The following SNX2 variants were observed in gnomAD, a reference collection of about 807,000 sequenced individuals.
The protein encoded by SNX2 is sorting nexin-2.
In SNX2, 25 loss-of-function variants were observed where a neutral mutation model predicts 69.9. The observed-to-expected ratio is 0.36, with a 90% CI of 0.26 to 0.50. SNX2 has a LOEUF of 0.50. Among genes scored for constraint, SNX2 ranks in the 20% least tolerant of loss-of-function variants. The pLI is 0.97. For synonymous variants in SNX2, 229 were observed against 200.4 expected (o/e 1.14, Z -1.20); for missense variants, 551 against 613.3 (o/e 0.90, Z 1.07).
At chr5:122,817,456 C>G in intron 10 of SNX2, 83 bp downstream of exon 10, 1 of 849,990 alleles carries the variant, frequency 1.2e-6, no homozygotes, top group Non-Finnish European at 1.8e-6. Flanking sequence ...AATAAATATT[C>G]TGAAGTTATT....
At position 122,827,561 on chromosome 5, in the gene SNX2, A is replaced by G. The variant is rs1754179112; in HGVS notation, c.1438-14A>G. 6.2e-7 allele frequency: 1 copy of G among 1,611,666 alleles called. No individual in the cohort carries two copies. The highest frequency in any genetic ancestry group is 8.5e-7 in the Non-Finnish European group (1 of 1,178,274). ...GCTTTCTACTAACGGACTTTTTAAA[A>G]TGTACTTCAACAGAAAGAACGAGTG... On this transcript the variant is annotated splice_polypyrimidine_tract_variant and intron_variant, in intron 13 of 14. Transcript: ENST00000379516.
At chr5:122,780,723 C>G (rs1752962704) in intron 1 of SNX2, among the ~76,000 whole-genome samples, 2 of 151,956 alleles carry the variant, frequency 1.3e-5, no homozygotes, top group Non-Finnish European at 2.9e-5. Context: ...GTGCACGCCA[C>G]CATGCCCGGC....
intron 2 of SNX2, among the ~76,000 whole-genome samples, chr5:122,798,273 G>A (rs555056579): frequency 1.3e-5 from 2 of 151,816 alleles, no homozygotes; most frequent in East Asian, 1.9e-4. Context: ...ATTTTGTTAC[G>A]GTAGGCTTAT....
chr5:122,799,991 T>G, intron 3 of SNX2, 136 bp downstream of exon 3: 1 of 627,230 alleles, frequency 1.6e-6, no homozygotes, highest in South Asian at 2.5e-5. Flanking sequence ...AAATTAGTTA[T>G]GGGATCTGGC....
chr5:122,796,835 G>GT (rs796711888), intron 2 of SNX2, among the ~76,000 whole-genome samples: 44 of 149,560 alleles, frequency 2.9e-4, no homozygotes, highest in Middle Eastern at 3.4e-3. Flanking sequence ...TACATGCAAG[G>GT]TTTTTTTTTT....
At chr5:122,790,979 A>G (rs1307311269) in intron 1 of SNX2, among the ~76,000 whole-genome samples, 2 of 152,222 alleles carry the variant, frequency 1.3e-5, no homozygotes, top group South Asian at 2.1e-4. Context: ...ACCATTAAGT[A>G]TGATGTTAGT....
At position 122,795,312 on chromosome 5, in the gene SNX2, T is replaced by C. The variant is rs751621812; in HGVS notation, c.155T>C (p.Ile52Thr). 26 of 1,613,866 alleles carry C rather than the reference T, an allele frequency of 1.6e-5. No homozygotes were observed. Among genetic ancestry groups the C allele is most frequent in the East Asian group, 6.7e-5 (3 of 44,860 alleles). ...CCAGCTAGTCTTCCTGCAGAAGATA[T>C]TAGTGCAAACTCCAATGGCCCAAAA... ...PEPASLPAED[I>T]SANSNGPKPT... is the part of the protein sequence containing the mutation. The change falls in exon 2 of 15, where the codon ATT becomes ACT. Residue 52 changes from isoleucine to threonine, a missense_variant. Transcript: ENST00000379516.
intron 6 of SNX2, among the ~76,000 whole-genome samples, chr5:122,806,142 G>GCGCGCGCGCACACACACACACACACA: frequency 6.1e-5 from 8 of 130,584 alleles, no homozygotes; most frequent in African/African-American, 2.3e-4. Flanking sequence ...ACACGCGCGC[G>GCGCGCGCGCACACACACACACACACA]CACACACACA....
rs538131273 is a variant in SNX2, at chr5:122,788,635, A to G, written c.109-6631A>G. ...AGTTGCACTAACACTTTGCTCTTCA[A>G]TAGCAATAACAACCCATTATTCTCT... On this transcript the variant is annotated intron_variant, in intron 1 of 14. Coordinates refer to ENST00000379516, the MANE Select transcript of SNX2 (RefSeq NM_003100.4). 3.3e-5 allele frequency among the ~76,000 whole-genome samples: 5 copies of G among 152,340 alleles called. No homozygotes were observed. The South Asian group carries it at 1.0e-3, about 32-fold the overall frequency.
At chr5:122,775,077 C>T (rs1427137759), upstream of SNX2, 1 of 1,563,516 alleles carries the variant, frequency 6.4e-7, no homozygotes, top group Non-Finnish European at 8.7e-7. Flanking sequence ...CGAGGCCCAG[C>T]TCGCGCAGTC....
At chr5:122,776,931 T>C (rs1191556086) in intron 1 of SNX2, among the ~76,000 whole-genome samples, 1 of 152,256 alleles carries the variant, frequency 6.6e-6, no homozygotes, top group Non-Finnish European at 1.5e-5. Flanking sequence ...CTGTAAAAGT[T>C]GTAAACACAT....
At chr5:122,783,098 A>G (rs988863815) in intron 1 of SNX2, among the ~76,000 whole-genome samples, 8 of 123,600 alleles carry the variant, frequency 6.5e-5, no homozygotes, top group Non-Finnish European at 9.8e-5. Context: ...CACCATGCCC[A>G]GCTAATTTTT....
intron 1 of SNX2, among the ~76,000 whole-genome samples, chr5:122,790,756 A>T (rs1561447024): frequency 6.6e-6 from 1 of 152,200 alleles, no homozygotes. Context: ...GTGGTAAGAG[A>T]GAAGTAGGAC....
intron 1 of SNX2, among the ~76,000 whole-genome samples, chr5:122,777,817 G>A (rs1319173568): frequency 2.0e-5 from 3 of 152,180 alleles, no homozygotes; most frequent in South Asian, 2.1e-4. Flanking sequence ...TACCTCAAAC[G>A]TTTATCAGTT....
intron 1 of SNX2, among the ~76,000 whole-genome samples, chr5:122,781,034 C>T (rs1163482721): frequency 6.6e-6 from 1 of 152,132 alleles, no homozygotes; most frequent in Non-Finnish European, 1.5e-5. Flanking sequence ...TATGAAGAAG[C>T]GTGATTCAAG....
intron 1 of SNX2, among the ~76,000 whole-genome samples, chr5:122,786,034 G>A (rs1753078490): frequency 6.6e-6 from 1 of 152,040 alleles, no homozygotes; most frequent in Admixed American, 6.6e-5. Context: ...TTTCCTTTAT[G>A]TATTTTGAAG....
In SNX2 at chr5:122,834,367, G is replaced by C. The variant is rs936946622; in HGVS notation, c.*4719G>C. ...ATAATTTTAAGTATTTCTTAACTGG[G>C]CAAAATGGAAACTTTGTAACTGAAG... On this transcript the variant is annotated 3_prime_UTR_variant, in exon 15 of 15. Transcript: ENST00000379516. 1.3e-5 allele frequency: 2 copies of C among 152,010 alleles called. No homozygotes were observed. The highest frequency in any genetic ancestry group is 4.8e-5 in the African/African-American group (2 of 41,410). 9.4% of individuals were successfully genotyped at this position (152,010 alleles called of 1,614,324 possible). A position where few individuals can be genotyped will look rare whatever the true frequency, so the allele number is the denominator to read the frequency against.
intron 1 of SNX2, among the ~76,000 whole-genome samples, chr5:122,778,179 T>A (rs1752896328): frequency 6.6e-6 from 1 of 152,256 alleles, no homozygotes; most frequent in African/African-American, 2.4e-5. Flanking sequence ...TTGAATAGTA[T>A]TCCATCATGC....
rs2150021110 is a variant in SNX2, at chr5:122,833,270, G to C, written c.*3622G>C. 6.6e-6 allele frequency: 1 copy of C among 152,244 alleles called. No homozygotes were observed. The allele number at this position is 152,244 out of a possible 1,614,324, so 9.4% of individuals were successfully genotyped here. On this transcript the variant is annotated 3_prime_UTR_variant, in exon 15 of 15. Transcript: ENST00000379516. ...GGGAATTACAACAAGATAAATGTGA[G>C]TAATAGTTCATTTTCCTGCATTTTT...
Sources: allele counts gnomAD v4.1 joint callset (sites outside exome capture counted in the v4.1 genomes callset), GRCh38; gene constraint gnomAD v4.1.1; transcripts MANE v1.5; gene names NCBI Gene and HGNC (gene_info 2026-07-23, HGNC 2026-07-21).